The following SWAP70 variants were observed in gnomAD, a reference collection of about 807,000 sequenced individuals.
SWAP70 encodes switch-associated protein 70.
Under a neutral mutation model 80.2 loss-of-function variants are expected in SWAP70, and 34 were observed. That is an observed-to-expected ratio of 0.42 (90% CI 0.32 to 0.56). SWAP70 has a LOEUF of 0.56. Ranked by LOEUF, SWAP70 falls within the 20% of genes least tolerant of loss-of-function variation. SWAP70 has a pLI of 0.09. For missense variants in SWAP70, 578 were observed against 690.7 expected (o/e 0.84, Z 1.83); for synonymous variants, 239 against 238.5 (o/e 1.00, Z -0.02).
intron 2 of SWAP70, chr11:9,703,252 A>G: frequency 2.4e-6 from 1 of 421,112 alleles, no homozygotes; most frequent in Non-Finnish European, 4.9e-6. Flanking sequence ...TGTATCCTAT[A>G]ACAATACTTC....
chr11:9,716,790 A>G (rs1851072150), intron 3 of SWAP70, among the ~76,000 whole-genome samples: 1 of 152,170 alleles, frequency 6.6e-6, no homozygotes. Flanking sequence ...AGGGCTGGAG[A>G]CAGAGGTGGG....
At chr11:9,666,923 C>T (rs1277183351) in intron 1 of SWAP70, among the ~76,000 whole-genome samples, 3 of 152,028 alleles carry the variant, frequency 2.0e-5, no homozygotes, top group Non-Finnish European at 4.4e-5. Context: ...TGGGGTTTCA[C>T]CATATTGGCC....
Position 9,729,402 on chromosome 11 carries a change from T to A in SWAP70, c.849T>A (p.Thr283=), listed in dbSNP as rs780413705. ...CLFLVKCFDK[T]FEISASDKKK... The stretch of plus-strand genomic sequence containing the variant: ...TTCTCGTAAAATGTTTTGATAAGAC[T>A]TTTGAAATCAGTGCTTCAGATAAGA... The change falls in exon 6 of 12, where the codon ACT becomes ACA. Residue 283 remains threonine, a synonymous_variant. Coordinates refer to ENST00000318950, the MANE Select transcript of SWAP70 (RefSeq NM_015055.4). 3.1e-6 allele frequency: 5 copies of A among 1,613,970 alleles called. No individual in the cohort carries two copies. In the Admixed American group the frequency reaches 5.0e-5, roughly 16 times the overall value.
At chr11:9,693,310 A>G (rs942947515) in intron 1 of SWAP70, among the ~76,000 whole-genome samples, 4 of 152,214 alleles carry the variant, frequency 2.6e-5, no homozygotes, top group Non-Finnish European at 5.9e-5. Context: ...GTAAAACAAG[A>G]TTAATACTAA....
intron 3 of SWAP70, among the ~76,000 whole-genome samples, chr11:9,716,412 A>G (rs964592936): frequency 1.3e-5 from 2 of 152,150 alleles, no homozygotes; most frequent in African/African-American, 4.8e-5. Flanking sequence ...ATAATATAGT[A>G]TATTTGTTTA....
chr11:9,693,523 TTTTATA>T (rs1455983067), intron 1 of SWAP70, among the ~76,000 whole-genome samples: 1 of 152,222 alleles, frequency 6.6e-6, no homozygotes, highest in Non-Finnish European at 1.5e-5. Flanking sequence ...TTCTTTCTCT[TTTTATA>T]TTTATATTCT....
chr11:9,708,238 C>T (rs957325042), intron 2 of SWAP70, among the ~76,000 whole-genome samples: 4 of 152,192 alleles, frequency 2.6e-5, no homozygotes, highest in Admixed American at 2.6e-4. Context: ...ATAGCAGCTG[C>T]ACCATTTTAC....
At chr11:9,710,996 T>TTGTATTTA (rs1554986191) in intron 2 of SWAP70, among the ~76,000 whole-genome samples, 1 of 148,904 alleles carries the variant, frequency 6.7e-6, no homozygotes, top group Non-Finnish European at 1.5e-5. Flanking sequence ...TGTTTTTTAT[T>TTGTATTTA]TTTATTTATT....
chr11:9,685,079 C>G (rs1850614597), intron 1 of SWAP70, among the ~76,000 whole-genome samples: 1 of 151,470 alleles, frequency 6.6e-6, no homozygotes, highest in Admixed American at 6.6e-5. Flanking sequence ...GGAGGCTGTC[C>G]CAAATTGGGG....
rs574056689 is a variant in SWAP70 at position 9,746,517 on chromosome 11, G to A, written c.1356-1341G>A. Among the ~76,000 whole-genome samples, 9 of 152,336 alleles carry A rather than the reference G, an allele frequency of 5.9e-5. No homozygotes were observed. The South Asian group carries it at 1.7e-3, about 28-fold the overall frequency. ...GACCACATCTGTAGTGTCGTGTTCT[G>A]TTGTGTACATCAAACTCCAAGAGAC... On this transcript the variant is annotated intron_variant, in intron 9 of 11. Transcript: ENST00000318950.
intron 3 of SWAP70, chr11:9,720,019 G>C: frequency 2.1e-6 from 2 of 972,514 alleles, no homozygotes; most frequent in Non-Finnish European, 2.4e-6. Context: ...GGTGAAACTT[G>C]CTTGGAAGGA....
At chr11:9,730,639 A>G (rs1851285394) in intron 6 of SWAP70, among the ~76,000 whole-genome samples, 1 of 152,198 alleles carries the variant, frequency 6.6e-6, no homozygotes, top group African/African-American at 2.4e-5. Flanking sequence ...AGCTTGAGGT[A>G]ATATGTAAAA....
chr11:9,730,928 G>A (rs371573683), intron 6 of SWAP70, among the ~76,000 whole-genome samples: 12 of 152,236 alleles, frequency 7.9e-5, no homozygotes, highest in South Asian at 2.1e-4. Context: ...CTCTTCCCCC[G>A]TCTCTACCTC....
At chr11:9,709,937 G>A (rs374778506) in intron 2 of SWAP70, among the ~76,000 whole-genome samples, 3 of 152,298 alleles carry the variant, frequency 2.0e-5, no homozygotes, top group African/African-American at 7.2e-5. Context: ...AAGTAATCTA[G>A]AGAAAAGAAA....
intron 6 of SWAP70, among the ~76,000 whole-genome samples, chr11:9,731,481 A>C (rs1851297183): frequency 6.6e-6 from 1 of 152,192 alleles, no homozygotes; most frequent in African/African-American, 2.4e-5. Context: ...CACATTTTTC[A>C]AAATGACATA....
chr11:9,687,247 C>G (rs977172428), intron 1 of SWAP70, among the ~76,000 whole-genome samples: 14 of 152,244 alleles, frequency 9.2e-5, no homozygotes, highest in African/African-American at 3.4e-4. Flanking sequence ...ATCACAATAA[C>G]CATATTTAAA....
chr11:9,721,013 G>A (rs1851127880), intron 3 of SWAP70, among the ~76,000 whole-genome samples: 1 of 151,976 alleles, frequency 6.6e-6, no homozygotes, highest in South Asian at 2.1e-4. Context: ...ATGGAGTTTT[G>A]CCATGTTGGC....
intron 3 of SWAP70, among the ~76,000 whole-genome samples, 169 bp downstream of exon 3, chr11:9,713,808 TGGGGCATGTAATAC>T (rs1201094112): frequency 6.6e-6 from 1 of 152,242 alleles, no homozygotes; most frequent in African/African-American, 2.4e-5. Flanking sequence ...TATAGTAATT[TGGGGCATGTAATAC>T]CCCTGGAGAT....
chr11:9,708,789 T>C lies in SWAP70; in HGVS notation c.241-4677T>C, dbSNP rs556333707. On this transcript the variant is annotated intron_variant, in intron 2 of 11. Transcript: ENST00000318950. ...TTTTGTGGGGTGTGGATAGAGTTGG[T>C]GGTGGTGGCCTTGGAAATGTTCTGC... is the stretch of plus-strand genomic sequence containing the variant. 2.0e-5 allele frequency among the ~76,000 whole-genome samples: 3 copies of C among 152,276 alleles called. No individual in the cohort carries two copies. In the South Asian group the frequency reaches 6.2e-4, roughly 32 times the overall value.
Sources: gnomAD v4.1 joint callset for allele counts (sites outside exome capture counted in the v4.1 genomes callset) on GRCh38, gnomAD v4.1.1 for gene constraint, MANE v1.5 for transcripts, NCBI Gene and HGNC (gene_info 2026-07-23, HGNC 2026-07-21) for gene names.